Variants in HYDIN observed in about 807,000 individuals in gnomAD.
The protein encoded by HYDIN is axonemal central pair apparatus protein HYDIN.
A neutral mutation model predicts 403.9 loss-of-function variants in HYDIN; 132 were observed. The ratio of observed to expected loss-of-function variants is 0.33; its 90% CI spans 0.28 to 0.38. The LOEUF (loss-of-function observed/expected upper bound fraction) is 0.38, where lower values mean the gene tolerates loss of function less well. HYDIN is among the 10% of genes least tolerant of loss of function. The probability of loss-of-function intolerance (pLI) is 1.00; values close to 1 mark genes in which losing one functional copy is unlikely to be tolerated. For missense variants in HYDIN, 2,827 were observed against 5,009.5 expected, an observed-to-expected ratio of 0.56 and a Z score of 13.15; for synonymous variants, 1,202 against 1,891.7, an observed-to-expected ratio of 0.64 and a Z score of 9.46.
At chr16:71,133,857 G>A (rs2084809056) in intron 8 of HYDIN, among the ~76,000 whole-genome samples, 2 of 151,046 alleles carry the variant, frequency 1.3e-5, no homozygotes, top group Admixed American at 6.6e-5. Context: ...AACATCAAAA[G>A]AAAGAAATAA....
In HYDIN at chr16:71,020,321, C is replaced by A. The variant is rs765637757; in HGVS notation, c.3187-4G>T. ...GTTTCAGGATACTGTTAGGTTTCTG[C>A]AAAAACAGAAAAAGAGGAAACAAAT... is the stretch of plus-strand genomic sequence containing the variant. On this transcript the variant is annotated splice_polypyrimidine_tract_variant and splice_region_variant and intron_variant, in intron 21 of 85. Transcript: ENST00000393567. 5 of 1,608,754 alleles carry A rather than the reference C, an allele frequency of 3.1e-6. No individual in the cohort carries two copies. In the South Asian group the frequency reaches 5.6e-5, roughly 18 times the overall value.
chr16:71,069,828 T>A (rs1302071326), intron 13 of HYDIN, among the ~76,000 whole-genome samples: 1 of 152,248 alleles, frequency 6.6e-6, no homozygotes, highest in Non-Finnish European at 1.5e-5. Context: ...CCTCTGTTAG[T>A]AGTTGGCTGA....
At chr16:71,172,374 T>C (rs994282302) in intron 5 of HYDIN, among the ~76,000 whole-genome samples, 1 of 152,218 alleles carries the variant, frequency 6.6e-6, no homozygotes, top group Non-Finnish European at 1.5e-5. Flanking sequence ...CTCATTTTAA[T>C]GGTAAAGATA....
chr16:70,877,515 T>G (rs1271142035), intron 62 of HYDIN, among the ~76,000 whole-genome samples: 1 of 152,322 alleles, frequency 6.6e-6, no homozygotes, highest in African/African-American at 2.4e-5. Flanking sequence ...GGAATACAAT[T>G]TTTCCATGGA....
chr16:71,110,401 T>C (rs1364243689), intron 10 of HYDIN, among the ~76,000 whole-genome samples: 1 of 140,518 alleles, frequency 7.1e-6, no homozygotes, highest in African/African-American at 2.6e-5. Flanking sequence ...TATATATATA[T>C]TTATATATAA....
At position 71,162,417 on chromosome 16, in the gene HYDIN, G is replaced by A. The variant is rs113722673; in HGVS notation, c.716+114C>T. The A allele has an allele frequency of 4.6e-4, 265 of 578,288 alleles. No homozygotes were observed. In the African/African-American group the frequency reaches 4.8e-3, roughly 10 times the overall value. 35.8% of individuals were successfully genotyped at this position (578,288 alleles called of 1,614,324 possible). The stretch of plus-strand genomic sequence containing the variant: ...TACATCAGTGAGGTCTCCCAGCTTT[G>A]CAACTGAAGACTGTAACAAGCAATT... On this transcript the variant is annotated intron_variant, in intron 6 of 85. Coordinates refer to ENST00000393567, the MANE Select transcript of HYDIN (RefSeq NM_001270974.2).
rs187040554 is a variant in HYDIN, at chr16:70,990,725, C to T, written c.3864+593G>A. On this transcript the variant is annotated intron_variant, in intron 25 of 85. Coordinates refer to ENST00000393567, the MANE Select transcript of HYDIN (RefSeq NM_001270974.2). ...TGCAGTGTACAAGGATGGTTACATG[C>T]TTTATGCAAGTGCAGAGGTGTATCT... Among the ~76,000 whole-genome samples the T allele has an allele frequency of 7.0e-4, 106 of 152,274 alleles. 2 individuals carry two copies. In the East Asian group the frequency reaches 0.018, roughly 26 times the overall value.
At chr16:70,932,009 CAAAAAAAAAA>C (rs57391181) in intron 45 of HYDIN, among the ~76,000 whole-genome samples, 2 of 29,072 alleles carry the variant, frequency 6.9e-5, no homozygotes, top group Non-Finnish European at 1.0e-4. Context: ...AGACTTGTAT[CAAAAAAAAAA>C]AAAAAAAAAA....
chr16:71,206,316 G>A (rs2144719754), intron 1 of HYDIN, among the ~76,000 whole-genome samples: 2 of 152,290 alleles, frequency 1.3e-5, no homozygotes, highest in Middle Eastern at 6.8e-3. Context: ...GACAGTAATA[G>A]GAGGAGGCTC....
intron 1 of HYDIN, among the ~76,000 whole-genome samples, chr16:71,226,209 T>C (rs1411274808): frequency 6.6e-6 from 1 of 152,238 alleles, no homozygotes; most frequent in Non-Finnish European, 1.5e-5. Flanking sequence ...AAATGACTGG[T>C]AGTTCATTTG....
At chr16:70,943,551 A>C (rs1185677936) in intron 42 of HYDIN, among the ~76,000 whole-genome samples, 2 of 151,420 alleles carry the variant, frequency 1.3e-5, no homozygotes, top group Non-Finnish European at 2.9e-5. Flanking sequence ...AATTTTTAAC[A>C]ACATCACTCT....
chr16:70,951,729 T>C (rs1191681405), intron 41 of HYDIN, among the ~76,000 whole-genome samples: 1 of 148,014 alleles, frequency 6.8e-6, no homozygotes, highest in Non-Finnish European at 1.5e-5. Context: ...TGCTTCTACT[T>C]CTTTTCTGAG....
At chr16:71,115,881 A>C (rs2084007585) in intron 9 of HYDIN, 86 bp from the exon 10 acceptor site, 1 of 852,174 alleles carries the variant, frequency 1.2e-6, no homozygotes, top group East Asian at 2.5e-5. Flanking sequence ...AACTCCAATA[A>C]ATTTTTTTTT....
chr16:71,057,379 G>T (rs118047721), intron 18 of HYDIN, among the ~76,000 whole-genome samples: 2,158 of 152,168 alleles, frequency 0.014, 35 homozygotes, highest in South Asian at 0.093. Flanking sequence ...AAAGATAAAT[G>T]ATAATAAAAA....
intron 10 of HYDIN, among the ~76,000 whole-genome samples, chr16:71,096,985 G>A (rs1465826123): frequency 9.4e-6 from 1 of 106,688 alleles, no homozygotes; most frequent in Non-Finnish European, 1.7e-5. Context: ...ATTAAGCCCC[G>A]CAGCAAATCA....
intron 47 of HYDIN, among the ~76,000 whole-genome samples, chr16:70,916,361 T>C (rs1567823222): frequency 6.6e-6 from 1 of 152,178 alleles, no homozygotes; most frequent in African/African-American, 2.4e-5. Flanking sequence ...ACTCTCTAAA[T>C]TGACTCAGCT....
chr16:70,946,835 G>T (rs1204112041), intron 41 of HYDIN, among the ~76,000 whole-genome samples: 1 of 152,168 alleles, frequency 6.6e-6, no homozygotes, highest in Non-Finnish European at 1.5e-5. Context: ...AAGCAAGAGT[G>T]TTGGATTAAA....
intron 58 of HYDIN, among the ~76,000 whole-genome samples, chr16:70,886,524 G>C (rs2041149735): frequency 6.6e-6 from 1 of 151,990 alleles, no homozygotes; most frequent in African/African-American, 2.4e-5. Context: ...TTTCTTCCTT[G>C]TTGATGTCCC....
chr16:70,871,999 T>A, intron 65 of HYDIN, 38 bp downstream of exon 65: 1 of 1,605,222 alleles, frequency 6.2e-7, no homozygotes. Context: ...GGCTTAGGAC[T>A]AAGGGATTCC....
Sources: allele counts gnomAD v4.1 joint callset (sites outside exome capture counted in the v4.1 genomes callset), GRCh38; gene constraint gnomAD v4.1.1; transcripts MANE v1.5; gene names NCBI Gene and HGNC (gene_info 2026-07-23, HGNC 2026-07-21).